The following BCAR1 variants were observed in gnomAD, a reference collection of about 807,000 sequenced individuals.
BCAR1 encodes BCAR1 scaffold protein, Cas family member.
In BCAR1, 30 loss-of-function variants were observed where a neutral mutation model predicts 67.6. The ratio of observed to expected loss-of-function variants is 0.44; its 90% CI spans 0.33 to 0.60. The LOEUF is 0.60. Among genes scored for constraint, BCAR1 ranks in the 20% least tolerant of loss-of-function variants. The pLI is 0.02. For synonymous variants in BCAR1, 626 were observed against 556.7 expected (o/e 1.12, Z -1.75); for missense variants, 1,313 against 1,222.3 (o/e 1.07, Z -1.11).
chr16:75,241,575 AG>A lies in BCAR1; in HGVS notation c.633+894del, dbSNP rs544864430. Among the ~76,000 whole-genome samples the A allele has an allele frequency of 9.2e-5, 14 of 152,330 alleles. No homozygotes were observed. The East Asian group carries it at 2.7e-3, about 29-fold the overall frequency. Reference sequence around the variant, plus strand: ...AGATGGCTGAAGGAGCAGGTAGAGCAGGAAGTGGGAGCCAGTGACCCAGGTT... The same window carrying A: ...AGATGGCTGAAGGAGCAGGTAGAGCAGAAGTGGGAGCCAGTGACCCAGGTT... On this transcript the variant is annotated intron_variant, in intron 2 of 6. Transcript: ENST00000162330.
chr16:75,236,812 AC>A, intron 4 of BCAR1, 69 bp downstream of exon 4: 2 of 1,548,364 alleles, frequency 1.3e-6, no homozygotes, highest in Non-Finnish European at 8.7e-7. Flanking sequence ...ACTGGTCAGC[AC>A]CCCTGTGCAC....
At chr16:75,261,446 G>A (rs2077906402) in intron 1 of BCAR1, among the ~76,000 whole-genome samples, 1 of 152,252 alleles carries the variant, frequency 6.6e-6, no homozygotes. Flanking sequence ...GGTGGAACCA[G>A]CCTCCCTCAG....
Position 75,229,622 on chromosome 16 carries a change from G to A in BCAR1, c.2502C>T (p.Ala834=). The A allele has an allele frequency of 2.5e-6, 4 of 1,612,528 alleles. No individual in the cohort carries two copies. The highest frequency in any genetic ancestry group is 3.4e-6 in the Non-Finnish European group (4 of 1,179,826). The stretch of plus-strand genomic sequence containing the variant: ...CCGCGGAAGGCGATGGGTACTGCAA[G>A]GCAGCGGCCTTGGTGGTGGCCACGA... ...RGIVATTKAA[A]LQYPSPSAAQ... Residue 834 remains alanine (A), a synonymous_variant, in exon 7 of 7, where the codon GCC becomes GCT. Transcript: ENST00000162330.
intron 1 of BCAR1, among the ~76,000 whole-genome samples, chr16:75,243,747 G>C (rs2077429054): frequency 6.6e-6 from 1 of 152,226 alleles, no homozygotes; most frequent in Non-Finnish European, 1.5e-5. Flanking sequence ...CAGTCCGAGA[G>C]GGACTTGGAG....
intron 1 of BCAR1, chr16:75,265,801 G>T: frequency 1.7e-6 from 2 of 1,198,458 alleles, no homozygotes; most frequent in East Asian, 6.9e-5. Flanking sequence ...GCCGGCCCGG[G>T]GTCCCGGGCG....
At chr16:75,242,264 G>A (rs2077367621) in intron 2 of BCAR1, among the ~76,000 whole-genome samples, 1 of 152,226 alleles carries the variant, frequency 6.6e-6, no homozygotes, top group African/African-American at 2.4e-5. Flanking sequence ...GGCCAGCGGA[G>A]CATCTCCCCT....
intron 1 of BCAR1, among the ~76,000 whole-genome samples, chr16:75,262,253 TGG>T (rs2077920733): frequency 6.6e-6 from 1 of 152,196 alleles, no homozygotes; most frequent in Non-Finnish European, 1.5e-5. Flanking sequence ...ACGGTACTCC[TGG>T]GGCCACATAC....
intron 5 of BCAR1, among the ~76,000 whole-genome samples, chr16:75,234,162 CAG>C (rs59892708): frequency 0.23 from 15,478 of 68,690 alleles, 1,086 homozygotes; most frequent in South Asian, 0.34. Flanking sequence ...GGCAGGCAGA[CAG>C]ACACACACAC....
At chr16:75,247,110 A>G (rs1164040469) in intron 1 of BCAR1, 2 of 152,634 alleles carry the variant, frequency 1.3e-5, no homozygotes, top group African/African-American at 4.8e-5. Context: ...CCCCCACCTC[A>G]CAGTACTGCC....
chr16:75,235,782 C>A lies in BCAR1; in HGVS notation c.1117G>T (p.Asp373Tyr). The change falls in exon 5 of 7, where the codon GAC becomes TAC. Residue 373 changes from aspartate (D) to tyrosine (Y), a missense_variant. Physicochemically the swap from Asp to Tyr is radical, Grantham distance 160. This residue lies in a region of BCAR1 where 1,272 missense variants were observed against 1,137.5 expected (regional missense o/e 1.12). Transcript: ENST00000162330. ...DVPPPAPDLY[D>Y]VPPGLRRPGP... Reference sequence around the variant, plus strand: ...GGCCGCCGCAAGCCAGGGGGCACGTCGTAGAGGTCAGGAGCCGGGGGCGGC... The same window carrying A: ...GGCCGCCGCAAGCCAGGGGGCACGTAGTAGAGGTCAGGAGCCGGGGGCGGC... 1 of 1,593,942 alleles carries A rather than the reference C, an allele frequency of 6.3e-7. No homozygotes were observed.
chr16:75,249,455 T>G (rs2077611622), intron 1 of BCAR1: 1 of 152,218 alleles, frequency 6.6e-6, no homozygotes, highest in African/African-American at 2.4e-5. Context: ...CCCACCCTCT[T>G]ACACGGAGAC....
At chr16:75,252,255 C>T (rs1484463254), upstream of BCAR1, 2 of 1,536,736 alleles carry the variant, frequency 1.3e-6, no homozygotes, top group Admixed American at 2.0e-5. Flanking sequence ...ATTGTGCCGA[C>T]ATCTGGGGAC....
chr16:75,258,727 C>T (rs1476437467), intron 1 of BCAR1, among the ~76,000 whole-genome samples: 14 of 152,246 alleles, frequency 9.2e-5, no homozygotes, highest in Non-Finnish European at 4.4e-5. Flanking sequence ...CCAACTCCTT[C>T]GGCGTGAAGA....
chr16:75,243,524 TA>T (rs1441632989), intron 1 of BCAR1: 1 of 510,152 alleles, frequency 2.0e-6, no homozygotes. Flanking sequence ...AACAGCTTCT[TA>T]GGATAAAAAA....
chr16:75,258,781 G>C (rs1033890844), intron 1 of BCAR1, among the ~76,000 whole-genome samples: 1 of 152,230 alleles, frequency 6.6e-6, no homozygotes, highest in Admixed American at 6.5e-5. Flanking sequence ...CCAGATGCTG[G>C]GGCCAGGGAC....
chr16:75,251,330 A>G, intron 1 of BCAR1, 141 bp downstream of exon 1: 3 of 1,194,986 alleles, frequency 2.5e-6, no homozygotes, highest in Non-Finnish European at 3.3e-6. Context: ...GCCAGGGCAG[A>G]AGGAGATCCC....
chr16:75,235,358 G>A lies in BCAR1; in HGVS notation c.1541C>T (p.Ala514Val). ...GGCAAACTCCAACAGCTCGTGGACG[G>A]CACTCTGGACAGCGGCCACAGCAGC... ...LQAAVAAVQSAVHELLEFARS... is the reference protein window; with the variant it reads ...LQAAVAAVQSVVHELLEFARS... The change falls in exon 5 of 7, where the codon GCC becomes GTC. Residue 514 changes from alanine (A) to valine (V), a missense_variant. This residue lies in a region of BCAR1 where 1,272 missense variants were observed against 1,137.5 expected (regional missense o/e 1.12). Coordinates refer to ENST00000162330, the MANE Select transcript of BCAR1 (RefSeq NM_014567.5). 2 of 1,601,938 alleles carry A rather than the reference G, an allele frequency of 1.2e-6. No individual in the cohort carries two copies. The highest frequency in any genetic ancestry group is 8.5e-7 in the Non-Finnish European group (1 of 1,173,572).
upstream of BCAR1, among the ~76,000 whole-genome samples, chr16:75,252,792 C>T (rs994585771): frequency 6.6e-6 from 1 of 152,202 alleles, no homozygotes; most frequent in Non-Finnish European, 1.5e-5. Context: ...CAGGGCTCAG[C>T]CTACGCAGCG....
At chr16:75,266,025 C>G (rs1240665830) in intron 1 of BCAR1, 1 of 1,026,776 alleles carries the variant, frequency 9.7e-7, no homozygotes, top group Admixed American at 5.7e-5. Context: ...CCGCGCCGCC[C>G]CCCCCACCGT....
Sources: gnomAD v4.1 joint callset for allele counts (sites outside exome capture counted in the v4.1 genomes callset) on GRCh38, gnomAD v4.1.1 for gene constraint, gnomAD v4.1.1 regional missense constraint, MANE v1.5 for transcripts, NCBI Gene and HGNC (gene_info 2026-07-23, HGNC 2026-07-21) for gene names.